ZNF420: variants seen among roughly 807,000 people sequenced by gnomAD.
ZNF420 encodes zinc finger protein 420, also known as ATM and p53-associated KZNF protein.
Under a neutral mutation model 44.7 loss-of-function variants are expected in ZNF420, and 31 were observed. The ratio of observed to expected loss-of-function variants is 0.69; its 90% confidence interval spans 0.52 to 0.94. The LOEUF (loss-of-function observed/expected upper bound fraction) is 0.94. Ranked by LOEUF, ZNF420 falls within the 40% of genes least tolerant of loss-of-function variation. ZNF420 has a pLI of 0.00. For missense variants in ZNF420, 681 were observed against 827.9 expected (o/e 0.82, Z 2.18); for synonymous variants, 245 against 267.4 (o/e 0.92, Z 0.82).
chr19:37,124,993 T>C (rs550229428), intron 4 of ZNF420, among the ~76,000 whole-genome samples: 162 of 152,214 alleles, frequency 1.1e-3, no homozygotes, highest in African/African-American at 3.9e-3. Context: ...CCCGCCACCA[T>C]GCCTGGCTAA....
chr19:37,026,969 T>G (rs1231493656), intron 1 of ZNF420, among the ~76,000 whole-genome samples: 2 of 152,224 alleles, frequency 1.3e-5, no homozygotes, highest in Non-Finnish European at 2.9e-5. Context: ...ATCTCTGAAA[T>G]TGGCTCTTGA....
upstream of ZNF420, among the ~76,000 whole-genome samples, chr19:37,074,475 G>C (rs1158291310): frequency 1.3e-5 from 2 of 151,954 alleles, no homozygotes; most frequent in Non-Finnish European, 2.9e-5. Flanking sequence ...ACAAAAACAG[G>C]CTGGGGGAAT....
At chr19:37,034,745 CCAG>C (rs978683523) in intron 1 of ZNF420, among the ~76,000 whole-genome samples, 2 of 152,144 alleles carry the variant, frequency 1.3e-5, no homozygotes, top group African/African-American at 4.8e-5. Context: ...GCTCAATATG[CCAG>C]CAGTTCTCTA....
intron 1 of ZNF420, among the ~76,000 whole-genome samples, chr19:37,025,738 C>T (rs2146390004): frequency 6.6e-6 from 1 of 151,222 alleles, no homozygotes; most frequent in Non-Finnish European, 1.5e-5. Context: ...ACCAGGATAC[C>T]ACTTAATTTA....
At chr19:37,082,172 A>G (rs10403975) in intron 2 of ZNF420, among the ~76,000 whole-genome samples, 84,988 of 151,810 alleles carry the variant, frequency 0.56, 25,262 homozygotes, top group African/African-American at 0.75. Flanking sequence ...TGTTGTTGTT[A>G]CTGTTGTTGA....
intron 1 of ZNF420, among the ~76,000 whole-genome samples, chr19:37,031,592 G>A (rs1322710382): frequency 1.3e-5 from 2 of 151,982 alleles, no homozygotes; most frequent in Admixed American, 6.5e-5. Context: ...GGCAACCTCC[G>A]CCTCCTGGGT....
intron 1 of ZNF420, among the ~76,000 whole-genome samples, chr19:37,052,171 A>T (rs953695283): frequency 1.3e-4 from 20 of 152,048 alleles, no homozygotes; most frequent in African/African-American, 4.1e-4. Context: ...TTTATCAGAG[A>T]CTAGGATTGC....
chr19:37,090,534 C>T (rs1258796811), intron 3 of ZNF420, among the ~76,000 whole-genome samples: 2 of 151,350 alleles, frequency 1.3e-5, no homozygotes, highest in Non-Finnish European at 2.9e-5. Flanking sequence ...AAAACTATAG[C>T]AATAGGAATA....
At position 37,128,087 on chromosome 19, in the gene ZNF420, G is replaced by C. The variant is rs773928731; in HGVS notation, c.1096G>C (p.Glu366Gln). The change falls in exon 5 of 5, where the codon GAA (glutamate) becomes CAA (glutamine). Residue 366 changes from glutamate to glutamine, a missense_variant. This residue lies in a region of ZNF420 where 51 missense variants were observed against 106.8 expected (regional missense o/e 0.48). Transcript: ENST00000337995. Reference protein sequence around the residue: ...IHTGEKPYKCEECGKAFIRGS... With the variant: ...IHTGEKPYKCQECGKAFIRGS... Reference sequence around the variant, plus strand: ...TACTGGTGAAAAACCCTATAAATGTGAAGAATGTGGGAAGGCCTTTATCCG... The same window carrying C: ...TACTGGTGAAAAACCCTATAAATGTCAAGAATGTGGGAAGGCCTTTATCCG... 6.2e-7 allele frequency: 1 copy of C among 1,607,372 alleles called. No individual in the cohort carries two copies. Among genetic ancestry groups the C allele is most frequent in the South Asian group, 1.1e-5 (1 of 90,414 alleles).
At chr19:37,125,414 G>A (rs1015174774) in intron 4 of ZNF420, among the ~76,000 whole-genome samples, 11 of 152,180 alleles carry the variant, frequency 7.2e-5, no homozygotes, top group Non-Finnish European at 1.5e-4. Flanking sequence ...TAGGATCATA[G>A]ATTTAGTATG....
intron 1 of ZNF420, among the ~76,000 whole-genome samples, chr19:37,043,941 G>A (rs1363685413): frequency 6.6e-6 from 1 of 152,198 alleles, no homozygotes; most frequent in African/African-American, 2.4e-5. Flanking sequence ...AAGACTCCAT[G>A]ACAAAGAGAA....
chr19:37,059,608 C>T (rs1486787318), intron 1 of ZNF420, among the ~76,000 whole-genome samples: 1 of 152,170 alleles, frequency 6.6e-6, no homozygotes, highest in Non-Finnish European at 1.5e-5. Context: ...AGGCTCAGGC[C>T]TGCCCGGACG....
At chr19:37,100,523 G>A (rs1327653974) in intron 4 of ZNF420, among the ~76,000 whole-genome samples, 2 of 151,940 alleles carry the variant, frequency 1.3e-5, no homozygotes, top group Non-Finnish European at 1.5e-5. Flanking sequence ...GACCAGCCTG[G>A]CCAACATGGC....
At chr19:37,079,848 G>T (rs1422978009) in intron 1 of ZNF420, among the ~76,000 whole-genome samples, 1 of 152,026 alleles carries the variant, frequency 6.6e-6, no homozygotes, top group Non-Finnish European at 1.5e-5. Context: ...TACAAAATTA[G>T]CTGGGCGTGG....
In ZNF420 at chr19:37,055,335, A is replaced by G. The variant is rs187923035; in HGVS notation, c.-124-25010A>G. Among the ~76,000 whole-genome samples, 7 of 152,228 alleles carry G rather than the reference A, an allele frequency of 4.6e-5. No homozygotes were observed. In the East Asian group the frequency reaches 1.4e-3, roughly 29 times the overall value. ...TGGGAGATTGAGGCTGCAGTGAGTT[A>G]TGATCACACCAATGCACTGCAGCCT... On this transcript the variant is annotated intron_variant, in intron 1 of 4. Coordinates refer to the ZNF420 transcript ENST00000587029.
At chr19:37,120,541 G>A (rs1970969849) in intron 4 of ZNF420, among the ~76,000 whole-genome samples, 1 of 152,154 alleles carries the variant, frequency 6.6e-6, no homozygotes, top group Non-Finnish European at 1.5e-5. Context: ...AAAACTGGAA[G>A]CACTCACTTT....
chr19:37,023,696 A>C (rs1444045487), intron 1 of ZNF420, among the ~76,000 whole-genome samples: 6 of 152,182 alleles, frequency 3.9e-5, no homozygotes, highest in Admixed American at 3.9e-4. Context: ...TGTTATAAAA[A>C]TACATTATAA....
At chr19:37,084,061 G>A (rs562304141) in intron 2 of ZNF420, among the ~76,000 whole-genome samples, 1 of 152,178 alleles carries the variant, frequency 6.6e-6, no homozygotes, top group Non-Finnish European at 1.5e-5. Context: ...ATATGTGTGT[G>A]TATAATCATT....
chr19:37,079,230 G>T (rs766540318), intron 1 of ZNF420, among the ~76,000 whole-genome samples: 54 of 152,164 alleles, frequency 3.5e-4, no homozygotes, highest in Admixed American at 5.2e-4. Context: ...AGCATAATTG[G>T]GTGATTGTGC....
Sources: gnomAD v4.1 joint callset for allele counts (sites outside exome capture counted in the v4.1 genomes callset) on GRCh38, gnomAD v4.1.1 for gene constraint, gnomAD v4.1.1 regional missense constraint, MANE v1.5 for transcripts, NCBI Gene and HGNC (gene_info 2026-07-23, HGNC 2026-07-21) for gene names.